The following SHISA9 variants were observed in gnomAD, a reference collection of about 807,000 sequenced individuals.
SHISA9 encodes protein shisa-9.
In SHISA9, 13 loss-of-function variants were observed where a neutral mutation model predicts 38.0. That is an observed-to-expected ratio of 0.34 (90% CI 0.22 to 0.54). SHISA9 has a LOEUF of 0.54. Among genes scored for constraint, SHISA9 ranks in the 20% least tolerant of loss-of-function variants. SHISA9 has a pLI of 0.91. For synonymous variants in SHISA9, 275 were observed against 242.0 expected (o/e 1.14, Z -1.27); for missense variants, 538 against 575.8 (o/e 0.93, Z 0.67).
chr16:12,909,507 T>G, intron 1 of SHISA9: 4 of 985,398 alleles, frequency 4.1e-6, no homozygotes, highest in Non-Finnish European at 4.8e-6. Context: ...TGTCATATAT[T>G]TGTCATTGTA....
At chr16:13,121,257 C>T (rs1470997012) in intron 2 of SHISA9, among the ~76,000 whole-genome samples, 1 of 152,058 alleles carries the variant, frequency 6.6e-6, no homozygotes, top group African/African-American at 2.4e-5. Flanking sequence ...GGGAGGCTGA[C>T]GTGGGAGGAT....
chr16:13,149,946 G>GA (rs1377059964), intron 2 of SHISA9, among the ~76,000 whole-genome samples: 21 of 117,062 alleles, frequency 1.8e-4, no homozygotes, highest in Middle Eastern at 5.0e-3. Flanking sequence ...AAAAAAAAAG[G>GA]AAAAAAAAAG....
chr16:13,193,066 A>T (rs1432686909), intron 2 of SHISA9, among the ~76,000 whole-genome samples: 1 of 152,248 alleles, frequency 6.6e-6, no homozygotes, highest in Non-Finnish European at 1.5e-5. Flanking sequence ...TATTCAAGAC[A>T]GAAGGAAGTT....
chr16:13,259,549 C>T, the SHISA9 span, among the ~76,000 whole-genome samples: 3 of 152,208 alleles, frequency 2.0e-5, no homozygotes, highest in Non-Finnish European at 2.9e-5. Flanking sequence ...CCATGAGGGC[C>T]CTGCCCCTGC....
intron 2 of SHISA9, among the ~76,000 whole-genome samples, chr16:13,073,477 C>G (rs1176249080): frequency 6.6e-6 from 1 of 152,152 alleles, no homozygotes; most frequent in Non-Finnish European, 1.5e-5. Context: ...CTAGCATCAT[C>G]AGCAGCAGCA....
At chr16:13,197,158 G>T (rs5010424) in intron 2 of SHISA9, among the ~76,000 whole-genome samples, 108,985 of 146,840 alleles carry the variant, frequency 0.74, 39,678 homozygotes, top group African/African-American at 0.82. Flanking sequence ...TATATATATA[G>T]AGAGAGAGAG....
At chr16:13,409,560 A>G in the SHISA9 span, among the ~76,000 whole-genome samples, 1 of 152,230 alleles carries the variant, frequency 6.6e-6, no homozygotes, top group Admixed American at 6.5e-5. Flanking sequence ...ACATCCTGTG[A>G]TGGGGATCAG....
At chr16:13,507,789 C>A in the SHISA9 span, among the ~76,000 whole-genome samples, 1 of 152,298 alleles carries the variant, frequency 6.6e-6, no homozygotes, top group African/African-American at 2.4e-5. Flanking sequence ...AGCAGCCAAG[C>A]AAGATTGTGC....
the SHISA9 span, among the ~76,000 whole-genome samples, chr16:13,447,911 G>T: frequency 3.3e-5 from 5 of 152,190 alleles, no homozygotes; most frequent in East Asian, 9.6e-4. Context: ...ACGCATGATG[G>T]ACTTGAGAAA....
chr16:13,413,614 G>A, the SHISA9 span, among the ~76,000 whole-genome samples: 57 of 152,088 alleles, frequency 3.7e-4, no homozygotes, highest in Middle Eastern at 3.4e-3. Flanking sequence ...AAATTAGGCG[G>A]GCGTGGTGGT....
At chr16:13,194,225 A>G (rs897581966) in intron 2 of SHISA9, among the ~76,000 whole-genome samples, 6 of 149,702 alleles carry the variant, frequency 4.0e-5, no homozygotes, top group Non-Finnish European at 1.5e-5. Flanking sequence ...AAAAAAAAAA[A>G]TTAGAACAAA....
chr16:13,442,672 G>A, the SHISA9 span, among the ~76,000 whole-genome samples: 1 of 152,102 alleles, frequency 6.6e-6, no homozygotes, highest in Admixed American at 6.5e-5. Flanking sequence ...TACTGTTGGG[G>A]ACTAGGTAAG....
intron 2 of SHISA9, among the ~76,000 whole-genome samples, chr16:12,965,470 C>T (rs1356019425): frequency 2.0e-5 from 3 of 152,164 alleles, no homozygotes; most frequent in East Asian, 1.9e-4. Context: ...GGGCACCTAT[C>T]GTGTGGGAGG....
At chr16:13,152,596 C>T (rs1489000889) in intron 2 of SHISA9, among the ~76,000 whole-genome samples, 1 of 152,164 alleles carries the variant, frequency 6.6e-6, no homozygotes, top group African/African-American at 2.4e-5. Flanking sequence ...TTGGGTCACT[C>T]AACTCAAGAT....
the SHISA9 span, among the ~76,000 whole-genome samples, chr16:13,305,052 C>T: frequency 6.6e-6 from 1 of 152,148 alleles, no homozygotes; most frequent in South Asian, 2.1e-4. Context: ...AATTTTGAAT[C>T]GTTTTTTCTT....
chr16:13,326,173 T>C, the SHISA9 span, among the ~76,000 whole-genome samples: 1 of 151,986 alleles, frequency 6.6e-6, no homozygotes, highest in African/African-American at 2.4e-5. Flanking sequence ...TCTCTTACCC[T>C]GCCTTTCCCC....
the SHISA9 span, among the ~76,000 whole-genome samples, chr16:13,270,974 T>G: frequency 6.6e-6 from 1 of 152,128 alleles, no homozygotes; most frequent in Non-Finnish European, 1.5e-5. Flanking sequence ...ATAGCCTGAC[T>G]TGGGAAGTAG....
Position 13,213,233 on chromosome 16 carries a change from C to G in SHISA9, c.848-20C>G, listed in dbSNP as rs1252554703. 5.8e-6 allele frequency: 9 copies of G among 1,551,024 alleles called. No individual in the cohort carries two copies. The highest frequency in any genetic ancestry group is 7.8e-6 in the Non-Finnish European group (9 of 1,146,510). On this transcript the variant is annotated intron_variant, in intron 3 of 4. Coordinates refer to ENST00000558583, the MANE Select transcript of SHISA9 (RefSeq NM_001145204.3). ...CCCTGCAAACAGATCATCAGCATTT[C>G]TTGATTGTTATTTTTTTAGGAAGTT...
At chr16:13,409,837 C>T in the SHISA9 span, among the ~76,000 whole-genome samples, 3 of 152,214 alleles carry the variant, frequency 2.0e-5, no homozygotes, top group Admixed American at 6.5e-5. Context: ...AATATGCGAA[C>T]ATGTAAACAC....
Sources: gnomAD v4.1 joint callset for allele counts (sites outside exome capture counted in the v4.1 genomes callset) on GRCh38, gnomAD v4.1.1 for gene constraint, MANE v1.5 for transcripts, NCBI Gene and HGNC (gene_info 2026-07-23, HGNC 2026-07-21) for gene names.